The following LRFN2 variants were observed in gnomAD, a reference collection of about 807,000 sequenced individuals.
LRFN2 encodes the protein leucine rich repeat and fibronectin type III domain containing 2, also known as leucine-rich repeat and fibronectin type-III domain-containing protein 2.
A neutral mutation model predicts 37.3 loss-of-function variants in LRFN2; 18 were observed. The observed-to-expected ratio is 0.48, with a 90% CI of 0.33 to 0.72. The LOEUF is 0.72. Among genes scored for constraint, LRFN2 ranks in the 30% least tolerant of loss-of-function variants. The pLI is 0.02. For synonymous variants in LRFN2, 556 were observed against 466.6 expected (o/e 1.19, Z -2.47); for missense variants, 1,006 against 1,060.7 (o/e 0.95, Z 0.72).
At chr6:40,402,198 CAG>C (rs1383475183) in intron 2 of LRFN2, among the ~76,000 whole-genome samples, 1 of 152,174 alleles carries the variant, frequency 6.6e-6, no homozygotes, top group Non-Finnish European at 1.5e-5. Flanking sequence ...ACTTGACAGG[CAG>C]AGTCTCTTTG....
chr6:40,401,564 A>C (rs1205436962), intron 2 of LRFN2, among the ~76,000 whole-genome samples: 1 of 152,144 alleles, frequency 6.6e-6, no homozygotes, highest in African/African-American at 2.4e-5. Flanking sequence ...ACATTATGGC[A>C]ATTATTTGCA....
intron 1 of LRFN2, among the ~76,000 whole-genome samples, chr6:40,478,964 A>G (rs975528722): frequency 6.6e-6 from 1 of 152,202 alleles, no homozygotes; most frequent in Non-Finnish European, 1.5e-5. Flanking sequence ...GGGACTGGAA[A>G]TGTACAAAAT....
intron 1 of LRFN2, among the ~76,000 whole-genome samples, chr6:40,443,129 T>TTA (rs1342633202): frequency 6.6e-6 from 1 of 152,108 alleles, no homozygotes; most frequent in Non-Finnish European, 1.5e-5. Flanking sequence ...GGAGAACAGG[T>TTA]TATAGACAAA....
At chr6:40,557,156 A>C (rs931473186) in intron 1 of LRFN2, among the ~76,000 whole-genome samples, 1 of 152,152 alleles carries the variant, frequency 6.6e-6, no homozygotes, top group Non-Finnish European at 1.5e-5. Context: ...AGCTCACTGT[A>C]GAGACAGTGC....
At chr6:40,494,086 G>C (rs971542033) in intron 1 of LRFN2, among the ~76,000 whole-genome samples, 2 of 152,238 alleles carry the variant, frequency 1.3e-5, no homozygotes, top group African/African-American at 4.8e-5. Context: ...ACACAAAGTA[G>C]AGTGTTAGGA....
At chr6:40,497,084 T>C (rs565248421) in intron 1 of LRFN2, among the ~76,000 whole-genome samples, 23 of 152,194 alleles carry the variant, frequency 1.5e-4, no homozygotes, top group Non-Finnish European at 7.3e-5. Flanking sequence ...AAAACAGGCA[T>C]GCAGCTGGGA....
chr6:40,432,409 C>G lies in LRFN2; in HGVS notation c.705G>C (p.Leu235Phe). The change falls in exon 2 of 3, where the codon TTG (leucine) becomes TTC (phenylalanine). Residue 235 changes from leucine (L) to phenylalanine (F), a missense_variant. Physicochemically the swap from Leu to Phe is conservative, Grantham distance 22. Coordinates refer to ENST00000338305, the MANE Select transcript of LRFN2 (RefSeq NM_020737.3). ...GTGGGTTACCCCCAAAACTAAAGGA[C>G]AAGGGTGGGGCAAAGGGTGTGGCTG... Reference protein sequence around the residue: ...ALTATPFAPPLSFSFGGNPLH... With the variant: ...ALTATPFAPPFSFSFGGNPLH... 6.2e-7 allele frequency: 1 copy of G among 1,614,112 alleles called. No homozygotes were observed. The highest frequency in any genetic ancestry group is 8.5e-7 in the Non-Finnish European group (1 of 1,180,042).
chr6:40,520,768 C>T (rs565970952), intron 1 of LRFN2, among the ~76,000 whole-genome samples: 9 of 152,196 alleles, frequency 5.9e-5, no homozygotes, highest in African/African-American at 2.2e-4. Context: ...CCCCTCTGCC[C>T]AGGCCTGGCT....
At position 40,411,325 on chromosome 6, in the gene LRFN2, G is replaced by A. The variant is rs1018677279; in HGVS notation, c.1401-18413C>T. On this transcript the variant is annotated intron_variant, in intron 2 of 2. Transcript: ENST00000338305. Reference sequence around the variant, plus strand: ...CCCAAACGGGCACGGTAGGAGTAGGGGGGCTGTGTGAGTGAGTGGCCGTTG... The same window carrying A: ...CCCAAACGGGCACGGTAGGAGTAGGAGGGCTGTGTGAGTGAGTGGCCGTTG... 3.3e-5 allele frequency among the ~76,000 whole-genome samples: 5 copies of A among 152,340 alleles called. No homozygotes were observed. The South Asian group carries it at 1.0e-3, about 32-fold the overall frequency.
At chr6:40,446,290 T>A (rs1331041322) in intron 1 of LRFN2, among the ~76,000 whole-genome samples, 1 of 152,042 alleles carries the variant, frequency 6.6e-6, no homozygotes, top group Non-Finnish European at 1.5e-5. Context: ...AGTGGAGAGA[T>A]TTTTTAATTT....
rs367668619 is a variant in LRFN2, at chr6:40,515,298, C to T, written c.-19+71643G>A. Among the ~76,000 whole-genome samples the T allele has an allele frequency of 1.1e-4, 17 of 152,256 alleles. No homozygotes were observed. The South Asian group carries it at 3.5e-3, about 32-fold the overall frequency. ...ATCCTCAACTGCATGTTGAAAAGAC[C>T]TCCAGATTGGAAACTGTGTGCTGAC... On this transcript the variant is annotated intron_variant, in intron 1 of 2. Coordinates refer to ENST00000338305, the MANE Select transcript of LRFN2 (RefSeq NM_020737.3).
intron 1 of LRFN2, among the ~76,000 whole-genome samples, chr6:40,520,198 G>A (rs990094803): frequency 6.6e-6 from 1 of 152,170 alleles, no homozygotes; most frequent in African/African-American, 2.4e-5. Flanking sequence ...CATGAGAACT[G>A]TAGCAGGAAA....
chr6:40,405,912 C>A (rs1278121466), intron 2 of LRFN2, among the ~76,000 whole-genome samples: 2 of 152,168 alleles, frequency 1.3e-5, no homozygotes, highest in African/African-American at 4.8e-5. Flanking sequence ...CGTTGGGAGG[C>A]CCTGTGTTTG....
At position 40,392,750 on chromosome 6, in the gene LRFN2, C is replaced by G; in HGVS notation, c.1563G>C (p.Gln521His). The change falls in exon 3 of 3, where the codon CAG becomes CAC. Residue 521 changes from glutamine (Q) to histidine (H), a missense_variant. This residue lies in a region of LRFN2 where 120 missense variants were observed against 178.4 expected (regional missense o/e 0.67). Coordinates refer to ENST00000338305, the MANE Select transcript of LRFN2 (RefSeq NM_020737.3). The surrounding 1 kb of genome is among the most constrained non-coding windows in gnomAD (Gnocchi z 4.7). Reference sequence around the variant, plus strand: ...GAATCTGGCTGTGCATGGACTGGCACTGCGGGTAGTCAGCCTTGGTGAAGA... The same window carrying G: ...GAATCTGGCTGTGCATGGACTGGCAGTGCGGGTAGTCAGCCTTGGTGAAGA... ...AQFFTKADYP[Q>H]CQSMHSQILG... 6.2e-7 allele frequency: 1 copy of G among 1,614,144 alleles called. No homozygotes were observed. The highest frequency in any genetic ancestry group is 8.5e-7 in the Non-Finnish European group (1 of 1,180,012).
intron 1 of LRFN2, among the ~76,000 whole-genome samples, chr6:40,469,854 C>G (rs1180636466): frequency 2.0e-5 from 3 of 152,164 alleles, no homozygotes; most frequent in Non-Finnish European, 4.4e-5. Flanking sequence ...AAGAGCTGCA[C>G]CAGGACATCC....
intron 1 of LRFN2, among the ~76,000 whole-genome samples, chr6:40,576,723 A>G (rs1258315685): frequency 6.6e-6 from 1 of 151,866 alleles, no homozygotes; most frequent in Non-Finnish European, 1.5e-5. Context: ...TTCTCTCTCC[A>G]CCCCAAGAGA....
chr6:40,562,835 T>TCACACACACA (rs773357501), intron 1 of LRFN2, among the ~76,000 whole-genome samples: 3 of 125,622 alleles, frequency 2.4e-5, no homozygotes, highest in African/African-American at 5.9e-5. Flanking sequence ...GTGCACTCAC[T>TCACACACACA]CACACACACA....
chr6:40,543,725 T>C (rs1766599221), intron 1 of LRFN2, among the ~76,000 whole-genome samples: 1 of 152,250 alleles, frequency 6.6e-6, no homozygotes, highest in Admixed American at 6.5e-5. Flanking sequence ...TTCCCTTGCC[T>C]GGGCATCTTT....
chr6:40,432,766 C>T lies in LRFN2; in HGVS notation c.348G>A (p.Gly116=), dbSNP rs141680440. The part of the protein sequence containing the change: ...HLDSNRLPSL[G]EDTLRGLVNL... Reference sequence around the variant, plus strand: ...TGACCAGGCCCCGGAGGGTGTCCTCCCCAAGGCTTGGCAGCCGATTGCTGT... The same window carrying T: ...TGACCAGGCCCCGGAGGGTGTCCTCTCCAAGGCTTGGCAGCCGATTGCTGT... Residue 116 remains glycine, a synonymous_variant, in exon 2 of 3, where the codon GGG becomes GGA. Transcript: ENST00000338305. The T allele has an allele frequency of 1.2e-5, 19 of 1,614,078 alleles. No homozygotes were observed. The African/African-American group carries it at 1.3e-4, about 11-fold the overall frequency.
Sources: gnomAD v4.1 joint callset for allele counts (sites outside exome capture counted in the v4.1 genomes callset) on GRCh38, gnomAD v4.1.1 for gene constraint, gnomAD v4.1.1 regional missense constraint, Gnocchi (gnomAD v3.1) non-coding constraint, MANE v1.5 for transcripts, NCBI Gene and HGNC (gene_info 2026-07-23, HGNC 2026-07-21) for gene names.